The following NALCN variants were observed in gnomAD, a reference collection of about 807,000 sequenced individuals.
NALCN encodes sodium leak channel, non-selective.
In NALCN, 111 loss-of-function variants were observed where a neutral mutation model predicts 225.3. The observed-to-expected ratio is 0.49, with a 90% CI of 0.42 to 0.58. The LOEUF (loss-of-function observed/expected upper bound fraction) is 0.58, where lower values mean the gene tolerates loss of function less well. NALCN is among the 20% of genes least tolerant of loss of function. The pLI is 0.00. For synonymous variants in NALCN, 764 were observed against 769.0 expected (o/e 0.99, Z 0.11); for missense variants, 1,378 against 2,202.4 (o/e 0.63, Z 7.49).
At chr13:101,258,015 A>G (rs1226110752) in intron 11 of NALCN, among the ~76,000 whole-genome samples, 5 of 152,274 alleles carry the variant, frequency 3.3e-5, no homozygotes, top group South Asian at 4.1e-4. Flanking sequence ...GGAGTAATTT[A>G]TCATTACCAT....
chr13:101,143,945 A>C (rs1405043158), intron 16 of NALCN, among the ~76,000 whole-genome samples: 1 of 152,222 alleles, frequency 6.6e-6, no homozygotes, highest in Non-Finnish European at 1.5e-5. Flanking sequence ...AAATTCAAGT[A>C]ACGTCTCTTC....
At position 101,247,221 on chromosome 13, in the gene NALCN, A is replaced by C. The variant is rs1026738849; in HGVS notation, c.1267-9299T>G. The stretch of plus-strand genomic sequence containing the variant: ...GACAGAGACCAACTACCCAAGGCTA[A>C]GACCTTATAGGCAGCTGCAGGCCTC... On this transcript the variant is annotated intron_variant, in intron 11 of 43. Coordinates refer to ENST00000251127, the MANE Select transcript of NALCN (RefSeq NM_052867.4). Among the ~76,000 whole-genome samples the C allele has an allele frequency of 4.6e-5, 7 of 152,224 alleles. 1 individual carries two copies. Among genetic ancestry groups the C allele is most frequent in the Non-Finnish European group, 1.0e-4 (7 of 68,038 alleles).
chr13:101,332,130 T>C (rs1267424417), intron 7 of NALCN, among the ~76,000 whole-genome samples: 2 of 151,906 alleles, frequency 1.3e-5, no homozygotes, highest in Non-Finnish European at 2.9e-5. Flanking sequence ...AAAAATATGA[T>C]AAAAACAAAT....
chr13:101,142,890 G>A (rs751554574), intron 17 of NALCN, 190 bp downstream of exon 17: 10 of 721,968 alleles, frequency 1.4e-5, no homozygotes, highest in South Asian at 5.5e-5. Flanking sequence ...AAGCTTACAC[G>A]GGCAAATGCA....
At chr13:101,234,482 T>C (rs1181505248) in intron 12 of NALCN, among the ~76,000 whole-genome samples, 1 of 152,172 alleles carries the variant, frequency 6.6e-6, no homozygotes, top group Non-Finnish European at 1.5e-5. Flanking sequence ...AAAGGTTGAT[T>C]GAAATGAGAA....
At chr13:101,414,638 G>T (rs2047882555) in intron 1 of NALCN, among the ~76,000 whole-genome samples, 1 of 152,128 alleles carries the variant, frequency 6.6e-6, no homozygotes, top group Non-Finnish European at 1.5e-5. Context: ...TCACTAAATT[G>T]CAACTAAATG....
intron 15 of NALCN, 139 bp from the exon 16 acceptor site, chr13:101,145,035 T>A: frequency 1.2e-6 from 1 of 851,160 alleles, no homozygotes; most frequent in Non-Finnish European, 1.6e-6. Context: ...CTACCAAGTA[T>A]ACCTCTCTTG....
intron 20 of NALCN, among the ~76,000 whole-genome samples, chr13:101,108,507 A>G (rs1317466244): frequency 6.6e-6 from 1 of 152,196 alleles, no homozygotes; most frequent in Non-Finnish European, 1.5e-5. Flanking sequence ...GACAGGCTAG[A>G]AGATTATGAT....
chr13:101,186,211 T>C (rs190970303), intron 14 of NALCN, among the ~76,000 whole-genome samples: 157 of 152,348 alleles, frequency 1.0e-3, no homozygotes, highest in Non-Finnish European at 6.3e-4. Flanking sequence ...ACATAGCAAG[T>C]AGCAATGTAC....
At chr13:101,287,500 T>C (rs1263575081) in intron 9 of NALCN, among the ~76,000 whole-genome samples, 1 of 152,210 alleles carries the variant, frequency 6.6e-6, no homozygotes, top group African/African-American at 2.4e-5. Context: ...TCATTGTCAT[T>C]TTTTACATGC....
intron 7 of NALCN, among the ~76,000 whole-genome samples, chr13:101,305,920 G>A (rs10508060): frequency 0.17 from 26,200 of 152,188 alleles, 2,720 homozygotes; most frequent in East Asian, 0.34. Flanking sequence ...TAGATTAAAT[G>A]GGCAAAGGAA....
At chr13:101,056,697 C>T (rs2031309336) in intron 43 of NALCN, among the ~76,000 whole-genome samples, 1 of 152,150 alleles carries the variant, frequency 6.6e-6, no homozygotes, top group Non-Finnish European at 1.5e-5. Context: ...GCCTTTGTTG[C>T]CTTGTGCTCA....
At chr13:101,250,734 T>C (rs1228926035) in intron 11 of NALCN, among the ~76,000 whole-genome samples, 1 of 151,750 alleles carries the variant, frequency 6.6e-6, no homozygotes, top group African/African-American at 2.4e-5. Flanking sequence ...TCTTACAGTG[T>C]TAAAATTAAT....
At chr13:101,115,578 GA>G (rs2035668417) in intron 18 of NALCN, among the ~76,000 whole-genome samples, 1 of 152,184 alleles carries the variant, frequency 6.6e-6, no homozygotes, top group Admixed American at 6.5e-5. Context: ...CCCAGAAGGA[GA>G]AGAACTTGAA....
chr13:101,410,358 T>C (rs2047744428), intron 1 of NALCN, among the ~76,000 whole-genome samples: 1 of 152,244 alleles, frequency 6.6e-6, no homozygotes, highest in Non-Finnish European at 1.5e-5. Context: ...AGAGTTCACA[T>C]TGCATAGTCA....
chr13:101,295,516 A>C (rs1347015006), intron 7 of NALCN, among the ~76,000 whole-genome samples: 3 of 152,174 alleles, frequency 2.0e-5, no homozygotes, highest in Non-Finnish European at 2.9e-5. Context: ...TGCAAGCAAG[A>C]TGTCATTTGG....
At chr13:101,110,201 T>C (rs1290863486) in intron 20 of NALCN, among the ~76,000 whole-genome samples, 2 of 152,338 alleles carry the variant, frequency 1.3e-5, no homozygotes, top group East Asian at 1.9e-4. Flanking sequence ...AAAATTCTTC[T>C]AGAAATAAAA....
chr13:101,064,159 A>G (rs1332396985), intron 40 of NALCN, among the ~76,000 whole-genome samples: 2 of 152,174 alleles, frequency 1.3e-5, no homozygotes, highest in Admixed American at 1.3e-4. Flanking sequence ...GCAGTCAGTT[A>G]TGTCATCTGA....
intron 17 of NALCN, among the ~76,000 whole-genome samples, chr13:101,137,190 C>T (rs2036841981): frequency 6.6e-6 from 1 of 152,146 alleles, no homozygotes; most frequent in East Asian, 1.9e-4. Flanking sequence ...AACACCAATT[C>T]TTCCCTTTGA....
Sources: allele counts gnomAD v4.1 joint callset (sites outside exome capture counted in the v4.1 genomes callset), GRCh38; gene constraint gnomAD v4.1.1; transcripts MANE v1.5; gene names NCBI Gene and HGNC (gene_info 2026-07-23, HGNC 2026-07-21).